BCAR3: variants seen among roughly 807,000 people sequenced by gnomAD.
The protein encoded by BCAR3 is BCAR3 adaptor protein, NSP family member, also known as breast cancer anti-estrogen resistance protein 3.
Under a neutral mutation model 80.1 loss-of-function variants are expected in BCAR3, and 37 were observed. That is an observed-to-expected ratio of 0.46 (90% CI 0.36 to 0.61). The LOEUF (loss-of-function observed/expected upper bound fraction) is 0.61. BCAR3 is among the 20% of genes least tolerant of loss of function. The probability of loss-of-function intolerance (pLI) is 0.00; values close to 1 mark genes in which losing one functional copy is unlikely to be tolerated. For synonymous variants in BCAR3, 389 were observed against 418.9 expected (o/e 0.93, Z 0.87); for missense variants, 978 against 1,068.2 (o/e 0.92, Z 1.18).
chr1:93,727,293 C>T (rs1185625922), intron 2 of BCAR3, among the ~76,000 whole-genome samples: 1 of 152,212 alleles, frequency 6.6e-6, no homozygotes, highest in Non-Finnish European at 1.5e-5. Flanking sequence ...CCTTACCTTA[C>T]CTCTAGCCCA....
chr1:93,650,823 A>G (rs896263769), intron 2 of BCAR3, among the ~76,000 whole-genome samples: 3 of 152,164 alleles, frequency 2.0e-5, no homozygotes, highest in Admixed American at 6.5e-5. Context: ...TAAAAATTCC[A>G]CTTGTGCAAG....
chr1:93,776,699 C>A (rs717910), intron 2 of BCAR3, among the ~76,000 whole-genome samples: 2 of 152,088 alleles, frequency 1.3e-5, no homozygotes, highest in Admixed American at 6.5e-5. Flanking sequence ...TTTTAACATG[C>A]CTTTTTGTAC....
At chr1:93,613,894 C>T (rs775072846) in intron 3 of BCAR3, 2 of 1,550,480 alleles carry the variant, frequency 1.3e-6, no homozygotes, top group Non-Finnish European at 1.7e-6. Flanking sequence ...CACAGAGCTG[C>T]TGAGAGGGCG....
chr1:93,760,586 T>G (rs1241801035), intron 2 of BCAR3, among the ~76,000 whole-genome samples: 1 of 144,404 alleles, frequency 6.9e-6, no homozygotes, highest in Non-Finnish European at 1.5e-5. Flanking sequence ...TTGCAAATGG[T>G]AAAAACCTAT....
intron 2 of BCAR3, among the ~76,000 whole-genome samples, chr1:93,816,301 C>G (rs1023114207): frequency 3.9e-5 from 6 of 152,046 alleles, no homozygotes; most frequent in Non-Finnish European, 8.8e-5. Flanking sequence ...TGATCATATC[C>G]CCCAAGCAAT....
intron 3 of BCAR3, among the ~76,000 whole-genome samples, chr1:93,608,124 G>C (rs1028275603): frequency 1.3e-5 from 2 of 152,194 alleles, no homozygotes; most frequent in African/African-American, 4.8e-5. Flanking sequence ...ATCTAGAGTA[G>C]ACACTGGGGA....
chr1:93,629,148 T>C lies in BCAR3; in HGVS notation c.357+13156A>G, dbSNP rs74101647. Among the ~76,000 whole-genome samples the C allele has an allele frequency of 4.0e-3, 612 of 152,292 alleles. 3 individuals carry two copies. Among genetic ancestry groups the C allele is most frequent in the Middle Eastern group, 0.014 (4 of 294 alleles). On this transcript the variant is annotated intron_variant, in intron 3 of 11. Coordinates refer to ENST00000260502, the MANE Select transcript of BCAR3 (RefSeq NM_003567.4). The stretch of plus-strand genomic sequence containing the variant: ...AACTCATTTCTTAACGTGATCTTCT[T>C]CTCGGAATCTCTTTTCCCATTCAAG...
At chr1:93,798,548 C>T (rs1401804829) in intron 2 of BCAR3, among the ~76,000 whole-genome samples, 1 of 152,000 alleles carries the variant, frequency 6.6e-6, no homozygotes, top group Non-Finnish European at 1.5e-5. Context: ...CCATAACATT[C>T]CAAAGACATG....
At chr1:93,616,645 C>T (rs1465465100) in intron 3 of BCAR3, among the ~76,000 whole-genome samples, 1 of 152,212 alleles carries the variant, frequency 6.6e-6, no homozygotes, top group African/African-American at 2.4e-5. Context: ...CACACAGCCC[C>T]GTGAAAGGGC....
chr1:93,627,643 TGGG>T (rs1484535825), intron 3 of BCAR3, among the ~76,000 whole-genome samples: 1 of 152,242 alleles, frequency 6.6e-6, no homozygotes, highest in Non-Finnish European at 1.5e-5. Flanking sequence ...TGGTATATAA[TGGG>T]TTTATTCTTA....
intron 3 of BCAR3, among the ~76,000 whole-genome samples, chr1:93,616,459 C>G (rs1446043703): frequency 6.6e-6 from 1 of 152,138 alleles, no homozygotes; most frequent in Non-Finnish European, 1.5e-5. Context: ...TGATCAATTC[C>G]TCCCATTCTC....
chr1:93,672,642 C>T (rs766788920), intron 2 of BCAR3, among the ~76,000 whole-genome samples: 9 of 152,168 alleles, frequency 5.9e-5, no homozygotes, highest in Non-Finnish European at 1.3e-4. Flanking sequence ...CACAGGTATG[C>T]ACCTCCATGT....
chr1:93,636,149 C>CT (rs1675773309), intron 3 of BCAR3, among the ~76,000 whole-genome samples: 1 of 152,182 alleles, frequency 6.6e-6, no homozygotes, highest in Non-Finnish European at 1.5e-5. Context: ...CTAGAAGACC[C>CT]TTGGGGAAGG....
chr1:93,660,778 G>C (rs948429322), intron 2 of BCAR3, among the ~76,000 whole-genome samples: 9 of 152,258 alleles, frequency 5.9e-5, no homozygotes, highest in Admixed American at 1.3e-4. Context: ...GCAATGGCAC[G>C]ATCTTGACTT....
chr1:93,761,463 A>G (rs1465901393), intron 2 of BCAR3, among the ~76,000 whole-genome samples: 3 of 152,176 alleles, frequency 2.0e-5, no homozygotes, highest in Admixed American at 6.5e-5. Flanking sequence ...AGGACACTCC[A>G]GCTCAGGCAA....
chr1:93,696,398 C>A (rs1043586761), intron 3 of BCAR3, among the ~76,000 whole-genome samples: 4 of 152,128 alleles, frequency 2.6e-5, no homozygotes, highest in African/African-American at 4.8e-5. Flanking sequence ...CCATTTCTAC[C>A]CGCACACAAA....
intron 2 of BCAR3, among the ~76,000 whole-genome samples, chr1:93,732,676 A>T (rs1650830130): frequency 6.6e-6 from 1 of 152,180 alleles, no homozygotes; most frequent in Non-Finnish European, 1.5e-5. Flanking sequence ...ATTTGAAAGG[A>T]CTGAGAAAAA....
intron 8 of BCAR3, among the ~76,000 whole-genome samples, chr1:93,573,907 G>C (rs149677778): frequency 3.3e-4 from 51 of 152,284 alleles, no homozygotes; most frequent in African/African-American, 1.2e-3. Context: ...GGGATTACAG[G>C]CATGAGCCAC....
At chr1:93,846,926 T>TC (rs5776191) in intron 1 of BCAR3, 444,306 of 444,324 alleles carry the variant, frequency 1, 222,144 homozygotes, top group Middle Eastern at 1. Context: ...ACCCCGTTTT[T>TC]CGAACCCCGC....
Sources: allele counts gnomAD v4.1 joint callset (sites outside exome capture counted in the v4.1 genomes callset), GRCh38; gene constraint gnomAD v4.1.1; transcripts MANE v1.5; gene names NCBI Gene and HGNC (gene_info 2026-07-23, HGNC 2026-07-21).